CTNNA3: variants seen among roughly 807,000 people sequenced by gnomAD.
CTNNA3 encodes the protein catenin alpha 3.
CTNNA3 carries 76 observed loss-of-function variants against 95.7 expected under a neutral mutation model. The observed-to-expected ratio is 0.79, with a 90% CI of 0.66 to 0.96. The LOEUF (loss-of-function observed/expected upper bound fraction) is 0.96. Among genes scored for constraint, CTNNA3 ranks in the 40% least tolerant of loss-of-function variants. CTNNA3 has a pLI of 0.00. For synonymous variants in CTNNA3, 431 were observed against 374.4 expected (o/e 1.15, Z -1.74); for missense variants, 1,191 against 1,089.8 (o/e 1.09, Z -1.31).
chr10:66,379,667 T>C (rs1473023558), intron 11 of CTNNA3, among the ~76,000 whole-genome samples: 1 of 152,132 alleles, frequency 6.6e-6, no homozygotes, highest in Admixed American at 6.6e-5. Context: ...AGTTTCTAGA[T>C]TAAAATGAAA....
At chr10:67,397,604 T>C (rs1455401557) in intron 5 of CTNNA3, among the ~76,000 whole-genome samples, 1 of 152,206 alleles carries the variant, frequency 6.6e-6, no homozygotes, top group Non-Finnish European at 1.5e-5. Flanking sequence ...CTGCAGAAAC[T>C]TGCATAAGTA....
intron 15 of CTNNA3, among the ~76,000 whole-genome samples, chr10:66,033,484 A>C (rs1417801269): frequency 6.6e-6 from 1 of 151,608 alleles, no homozygotes; most frequent in Non-Finnish European, 1.5e-5. Context: ...AAATGCATAT[A>C]AGTCTTCTAA....
intron 7 of CTNNA3, among the ~76,000 whole-genome samples, chr10:66,813,245 C>T (rs1312783855): frequency 6.6e-6 from 1 of 152,194 alleles, no homozygotes; most frequent in Non-Finnish European, 1.5e-5. Context: ...AAAATCCACA[C>T]TCAAATTGCT....
At chr10:67,595,384 A>G (rs1015628036) in intron 3 of CTNNA3, among the ~76,000 whole-genome samples, 1 of 151,934 alleles carries the variant, frequency 6.6e-6, no homozygotes, top group African/African-American at 2.4e-5. Flanking sequence ...CCTTAATTTT[A>G]TTGTTTACCC....
chr10:66,849,335 T>C (rs1038250177), intron 7 of CTNNA3, among the ~76,000 whole-genome samples: 1 of 152,188 alleles, frequency 6.6e-6, no homozygotes, highest in Non-Finnish European at 1.5e-5. Flanking sequence ...TATAATATGG[T>C]AGTCAAATCG....
rs374096921 is a variant in CTNNA3 at position 67,227,588 on chromosome 10, A to G, written c.580-7718T>C. ...GATCTACGCAATGAGATAGCAACAC[A>G]ATAATAGTGGGGGACTTCAATACTC... On this transcript the variant is annotated intron_variant, in intron 5 of 17. Coordinates refer to ENST00000433211, the MANE Select transcript of CTNNA3 (RefSeq NM_013266.4). 2.0e-5 allele frequency among the ~76,000 whole-genome samples: 3 copies of G among 152,346 alleles called. No homozygotes were observed. In the East Asian group the frequency reaches 5.8e-4, roughly 29 times the overall value.
At chr10:66,058,066 A>G (rs898995105) in intron 15 of CTNNA3, among the ~76,000 whole-genome samples, 1 of 152,172 alleles carries the variant, frequency 6.6e-6, no homozygotes, top group Non-Finnish European at 1.5e-5. Flanking sequence ...GTGCTACAAT[A>G]TTTAAATTGC....
chr10:66,946,842 G>A (rs890001724), intron 7 of CTNNA3, among the ~76,000 whole-genome samples: 1 of 152,050 alleles, frequency 6.6e-6, no homozygotes, highest in Non-Finnish European at 1.5e-5. Flanking sequence ...GGAAGTTCTT[G>A]ATAAACTTCT....
At chr10:67,439,339 C>G (rs931916095) in intron 5 of CTNNA3, among the ~76,000 whole-genome samples, 2 of 152,098 alleles carry the variant, frequency 1.3e-5, no homozygotes, top group Non-Finnish European at 2.9e-5. Flanking sequence ...TTCTGCCAAT[C>G]AGCATCAGGA....
chr10:66,430,996 A>C (rs534829126), intron 11 of CTNNA3, among the ~76,000 whole-genome samples: 3 of 151,798 alleles, frequency 2.0e-5, no homozygotes, highest in East Asian at 1.9e-4. Context: ...ATTTTTGCAA[A>C]CTACTCATCT....
At chr10:66,524,148 T>C (rs1199334640) in intron 10 of CTNNA3, among the ~76,000 whole-genome samples, 1 of 14,286 alleles carries the variant, frequency 7.0e-5, no homozygotes, top group Non-Finnish European at 2.2e-4. Flanking sequence ...TTTTCATACT[T>C]AACATATCCA....
chr10:66,115,620 T>C (rs974242866), intron 13 of CTNNA3, among the ~76,000 whole-genome samples: 27 of 150,914 alleles, frequency 1.8e-4, no homozygotes, highest in African/African-American at 5.8e-4. Flanking sequence ...GAGATAGAGA[T>C]AGAGATAGAG....
At chr10:67,069,052 A>G (rs1856271568) in intron 7 of CTNNA3, among the ~76,000 whole-genome samples, 1 of 130,466 alleles carries the variant, frequency 7.7e-6, no homozygotes, top group Non-Finnish European at 1.7e-5. Flanking sequence ...AGACAGGAAA[A>G]AAAATATATA....
intron 9 of CTNNA3, among the ~76,000 whole-genome samples, chr10:66,763,341 C>CGGG (rs1839686383): frequency 7.2e-6 from 1 of 139,104 alleles, no homozygotes; most frequent in African/African-American, 2.7e-5. Flanking sequence ...CACACACACA[C>CGGG]AGAGAGAGAG....
At chr10:66,015,667 A>G (rs1340918709) in intron 15 of CTNNA3, among the ~76,000 whole-genome samples, 1 of 152,136 alleles carries the variant, frequency 6.6e-6, no homozygotes, top group African/African-American at 2.4e-5. Flanking sequence ...AGCCTAAATT[A>G]TACACTGGCC....
chr10:66,198,148 A>G (rs1298341645), intron 13 of CTNNA3, among the ~76,000 whole-genome samples: 1 of 152,120 alleles, frequency 6.6e-6, no homozygotes, highest in Non-Finnish European at 1.5e-5. Context: ...ATTTCAGTTT[A>G]TTTCTCTCTG....
chr10:66,837,469 T>G (rs1842923096), intron 7 of CTNNA3: 1 of 152,164 alleles, frequency 6.6e-6, no homozygotes, highest in Non-Finnish European at 1.5e-5. Context: ...GAGCTTAACC[T>G]ACAGAGAGTT....
chr10:67,133,306 G>GATATATATATATATAT (rs56800232), intron 7 of CTNNA3, among the ~76,000 whole-genome samples: 1,443 of 97,580 alleles, frequency 0.015, 71 homozygotes, highest in African/African-American at 0.034. Flanking sequence ...CATATTGCCT[G>GATATATATATATATAT]ATATATATAT....
intron 15 of CTNNA3, among the ~76,000 whole-genome samples, chr10:66,001,045 A>T (rs2078760082): frequency 6.6e-6 from 1 of 152,142 alleles, no homozygotes; most frequent in Non-Finnish European, 1.5e-5. Flanking sequence ...GGTGATGGGT[A>T]GTTGGGAGGC....
Sources: allele counts gnomAD v4.1 joint callset (sites outside exome capture counted in the v4.1 genomes callset), GRCh38; gene constraint gnomAD v4.1.1; transcripts MANE v1.5; gene names NCBI Gene and HGNC (gene_info 2026-07-23, HGNC 2026-07-21).